ANKRD31: variants seen among roughly 807,000 people sequenced by gnomAD.
ANKRD31 encodes ankyrin repeat domain-containing protein 31.
In ANKRD31, 147 loss-of-function variants were observed where a neutral mutation model predicts 186.0. The ratio of observed to expected loss-of-function variants is 0.79; its 90% CI spans 0.69 to 0.91. The LOEUF (loss-of-function observed/expected upper bound fraction) is 0.91, where lower values mean the gene tolerates loss of function less well. Ranked by LOEUF, ANKRD31 falls within the 40% of genes least tolerant of loss-of-function variation. The pLI is 0.00. For missense variants in ANKRD31, 1,986 were observed against 2,148.8 expected (o/e 0.92, Z 1.50); for synonymous variants, 673 against 736.4 (o/e 0.91, Z 1.39).
chr5:75,178,547 G>A (rs1461360068), intron 10 of ANKRD31, among the ~76,000 whole-genome samples: 1 of 152,150 alleles, frequency 6.6e-6, no homozygotes, highest in Non-Finnish European at 1.5e-5. Flanking sequence ...TCAGACCACA[G>A]TGTAATCAAA....
chr5:75,094,569 C>T (rs539679127), intron 22 of ANKRD31, among the ~76,000 whole-genome samples: 2 of 151,764 alleles, frequency 1.3e-5, no homozygotes, highest in Non-Finnish European at 2.9e-5. Context: ...TAGAATTCTA[C>T]ATTGGAAAAT....
intron 6 of ANKRD31, among the ~76,000 whole-genome samples, chr5:75,196,867 T>C (rs1463012033): frequency 1.3e-5 from 2 of 152,148 alleles, no homozygotes; most frequent in Non-Finnish European, 2.9e-5. Context: ...AGGTTATACC[T>C]GTTCTCACAA....
In ANKRD31 at chr5:75,177,398, C is replaced by T. The variant is rs570918447; in HGVS notation, c.1565-8277G>A. ...ATACAGAGAACGCCACAAAGATACT[C>T]CTCGAGAAGAGCAACTCCAAGACAC... On this transcript the variant is annotated intron_variant, in intron 10 of 25. Transcript: ENST00000506364. Among the ~76,000 whole-genome samples the T allele has an allele frequency of 5.8e-4, 89 of 152,142 alleles. 1 individual carries two copies. The highest frequency in any genetic ancestry group is 2.0e-3 in the African/African-American group (85 of 41,502).
chr5:75,112,512 C>G lies in ANKRD31; in HGVS notation c.4243+1G>C. 6.8e-7 allele frequency: 1 copy of G among 1,476,106 alleles called. No individual in the cohort carries two copies. Among genetic ancestry groups the G allele is most frequent in the East Asian group, 2.5e-5 (1 of 40,344 alleles). The allele number at this position is 1,476,106 out of a possible 1,614,324, so 91.4% of individuals were successfully genotyped here. A position where few individuals can be genotyped will look rare whatever the true frequency, so the allele number is the denominator to read the frequency against. ...ATACTTGAGTATGAGTCTATATTTACCTGCATCTTCAGGGTTTCTTATTTC... is the reference window on the plus strand; with the variant it reads ...ATACTTGAGTATGAGTCTATATTTAGCTGCATCTTCAGGGTTTCTTATTTC... On this transcript the variant is annotated splice_donor_variant, in intron 20 of 25. Transcript: ENST00000506364. LOFTEE classifies it high-confidence loss of function.
At chr5:75,188,983 G>A (rs909823653) in intron 9 of ANKRD31, among the ~76,000 whole-genome samples, 2 of 151,972 alleles carry the variant, frequency 1.3e-5, no homozygotes, top group Admixed American at 1.3e-4. Context: ...TAAAAGTTCT[G>A]GTGAAAAGGA....
intron 22 of ANKRD31, among the ~76,000 whole-genome samples, chr5:75,100,069 A>T (rs2150048127): frequency 6.6e-6 from 1 of 152,208 alleles, no homozygotes. Context: ...TAGTGCTATA[A>T]ATTTCCCTCT....
At position 75,175,087 on chromosome 5, in the gene ANKRD31, A is replaced by G. The variant is rs1280682847; in HGVS notation, c.1565-5966T>C. Among the ~76,000 whole-genome samples the G allele has an allele frequency of 2.6e-5, 4 of 152,306 alleles. No individual in the cohort carries two copies. In the East Asian group the frequency reaches 7.7e-4, roughly 29 times the overall value. On this transcript the variant is annotated intron_variant, in intron 10 of 25. Transcript: ENST00000506364. ...AGTTCATGTCCTTTGCAGGGACATG[A>G]ATGAAGCTGGAAACCATCATTCTGA...
chr5:75,179,511 C>T (rs982416717), intron 10 of ANKRD31, among the ~76,000 whole-genome samples: 8 of 152,176 alleles, frequency 5.3e-5, no homozygotes, highest in African/African-American at 9.7e-5. Context: ...CCGAATCCAA[C>T]AGCACATCAA....
chr5:75,185,583 G>C (rs371937089), intron 10 of ANKRD31, among the ~76,000 whole-genome samples: 1 of 151,896 alleles, frequency 6.6e-6, no homozygotes, highest in East Asian at 1.9e-4. Flanking sequence ...AAGAAATGAA[G>C]AATAAGTGAT....
chr5:75,146,495 A>C lies in ANKRD31; in HGVS notation c.2916T>G (p.Val972=). 6.5e-7 allele frequency: 1 copy of C among 1,536,552 alleles called. No homozygotes were observed. Among genetic ancestry groups the C allele is most frequent in the African/African-American group, 1.4e-5 (1 of 73,108 alleles). ...CTGCATTATCTGAATAAGAAAAATT[A>C]ACAGCTTCCTGTTCTGGAAGTGTGG... ...SLTTLPEQEA[V]NFSYSDNAVI... is the part of the protein sequence containing the mutation. Residue 972 remains valine, a synonymous_variant, in exon 14 of 26, where the codon GTT becomes GTG. Transcript: ENST00000506364.
intron 22 of ANKRD31, among the ~76,000 whole-genome samples, chr5:75,093,854 A>G (rs1360910364): frequency 6.6e-6 from 1 of 152,202 alleles, no homozygotes; most frequent in Non-Finnish European, 1.5e-5. Flanking sequence ...AAACTGAGAG[A>G]CTGAGAAAAT....
In ANKRD31 at chr5:75,137,890, G is replaced by A. The variant is rs1054399986; in HGVS notation, c.3842C>T (p.Pro1281Leu). Reference protein sequence around the residue: ...VNCENIDGILPLHDAVANNHL... With the variant: ...VNCENIDGILLLHDAVANNHL... ...ATTGTTTGCAACAGCATCATGTAAG[G>A]GCAGAATTCCATCTATATTTTCACA... Residue 1281 changes from proline to leucine, a missense_variant, in exon 17 of 26, where the codon CCC becomes CTC. Pro to Leu is a moderately conservative substitution (Grantham distance 98). Coordinates refer to ENST00000506364, the MANE Select transcript of ANKRD31 (RefSeq NM_001372053.1). 5 of 1,532,298 alleles carry A rather than the reference G, an allele frequency of 3.3e-6. No homozygotes were observed. The highest frequency in any genetic ancestry group is 4.0e-5 in the Admixed American group (2 of 50,526). The allele number at this position is 1,532,298 out of a possible 1,614,324, so 94.9% of individuals were successfully genotyped here. A position where few individuals can be genotyped will look rare whatever the true frequency, so the allele number is the denominator to read the frequency against.
intron 19 of ANKRD31, among the ~76,000 whole-genome samples, chr5:75,114,860 C>T (rs1291192197): frequency 6.6e-6 from 1 of 152,030 alleles, no homozygotes; most frequent in East Asian, 1.9e-4. Context: ...TCAATGCCAT[C>T]CCCATCAAGC....
At chr5:75,162,958 T>C (rs1411740055) in intron 11 of ANKRD31, among the ~76,000 whole-genome samples, 3 of 152,226 alleles carry the variant, frequency 2.0e-5, no homozygotes, top group African/African-American at 4.8e-5. Context: ...TCCACCTACC[T>C]GTATGTCTTT....
chr5:75,105,276 G>A lies in ANKRD31; in HGVS notation c.4341-58C>T, dbSNP rs948513037. 2.3e-5 allele frequency: 32 copies of A among 1,406,784 alleles called. No individual in the cohort carries two copies. The African/African-American group carries it at 4.1e-4, about 18-fold the overall frequency. 87.1% of individuals were successfully genotyped at this position (1,406,784 alleles called of 1,614,324 possible). ...ATAACAGCAGAAAACTTTTCAAAGCGGTCACTTAGAGGTTAAAGATACTTT... is the reference window on the plus strand; with the variant it reads ...ATAACAGCAGAAAACTTTTCAAAGCAGTCACTTAGAGGTTAAAGATACTTT... On this transcript the variant is annotated intron_variant, in intron 21 of 25. Transcript: ENST00000506364.
At chr5:75,106,599 A>AT (rs1198183942) in intron 21 of ANKRD31, among the ~76,000 whole-genome samples, 1 of 152,034 alleles carries the variant, frequency 6.6e-6, no homozygotes, top group Non-Finnish European at 1.5e-5. Context: ...ATTAATAAGA[A>AT]TTTACGTATT....
intron 20 of ANKRD31, among the ~76,000 whole-genome samples, chr5:75,109,868 C>T (rs768451097): frequency 6.6e-6 from 1 of 151,974 alleles, no homozygotes; most frequent in Admixed American, 6.6e-5. Context: ...TGAGAGGGCA[C>T]AGGGAAAGGG....
intron 24 of ANKRD31, among the ~76,000 whole-genome samples, chr5:75,081,651 AGT>A (rs377045233): frequency 2.0e-5 from 3 of 150,684 alleles, no homozygotes; most frequent in African/African-American, 7.3e-5. Context: ...TTTTCCTTCA[AGT>A]GTGTGTTTGG....
intron 1 of ANKRD31, 79 bp downstream of exon 1, chr5:75,236,504 C>G: frequency 8.2e-7 from 1 of 1,219,428 alleles, no homozygotes; most frequent in Non-Finnish European, 1.1e-6. Flanking sequence ...GATCTCCACT[C>G]AAAACTCTGA....
Sources: allele counts gnomAD v4.1 joint callset (sites outside exome capture counted in the v4.1 genomes callset), GRCh38; gene constraint gnomAD v4.1.1; transcripts MANE v1.5; gene names NCBI Gene and HGNC (gene_info 2026-07-23, HGNC 2026-07-21).